DMD: variants seen among roughly 807,000 people sequenced by gnomAD.
DMD encodes mutant dystrophin.
A neutral mutation model predicts 330.1 loss-of-function variants in DMD; 63 were observed. The observed-to-expected ratio is 0.19, with a 90% CI of 0.16 to 0.24. The LOEUF is 0.24. Among genes scored for constraint, DMD ranks in the 10% least tolerant of loss-of-function variants. The probability of loss-of-function intolerance (pLI) is 1.00; values close to 1 mark genes in which losing one functional copy is unlikely to be tolerated. For synonymous variants in DMD, 1,223 were observed against 959.8 expected (o/e 1.27, Z -5.07); for missense variants, 3,344 against 2,684.1 (o/e 1.25, Z -5.43).
intron 3 of DMD, among the ~76,000 whole-genome samples, 190 bp from the exon 4 acceptor site, chrX:32,845,050 A>G (rs1340286007): frequency 8.9e-6 from 1 of 112,194 alleles, no homozygotes; most frequent in Non-Finnish European, 1.9e-5. Context: ...AGCATAAACC[A>G]ACCACTCTAA....
chrX:31,716,999 G>C (rs1457259463), intron 52 of DMD, among the ~76,000 whole-genome samples: 1 of 110,648 alleles, frequency 9.0e-6, no homozygotes, highest in Non-Finnish European at 1.9e-5. Context: ...TCCTGGTTCC[G>C]CTATCTGTGT....
At chrX:32,393,762 A>G (rs1489231688) in intron 30 of DMD, among the ~76,000 whole-genome samples, 1 of 111,541 alleles carries the variant, frequency 9.0e-6, no homozygotes, top group Non-Finnish European at 1.9e-5. Flanking sequence ...AAGAACAGTC[A>G]AAGAGAAAGA....
At chrX:32,774,237 C>T (rs1441542749) in intron 7 of DMD, among the ~76,000 whole-genome samples, 1 of 111,644 alleles carries the variant, frequency 9.0e-6, no homozygotes, top group Non-Finnish European at 1.9e-5. Flanking sequence ...CAACATTTAC[C>T]AAGTACCCCT....
intron 7 of DMD, among the ~76,000 whole-genome samples, chrX:32,736,050 G>A (rs2068427601): frequency 9.0e-6 from 1 of 111,513 alleles, no homozygotes; most frequent in Non-Finnish European, 1.9e-5. Flanking sequence ...AATCTACAAT[G>A]AACTCAAACA....
At chrX:31,169,911 A>G (rs376327562) in intron 73 of DMD, among the ~76,000 whole-genome samples, 1 of 112,245 alleles carries the variant, frequency 8.9e-6, no homozygotes, top group East Asian at 2.8e-4. Context: ...TAGCTAAAAA[A>G]TATTAAAAGA....
intron 7 of DMD, among the ~76,000 whole-genome samples, chrX:32,752,519 G>A (rs918671792): frequency 9.4e-6 from 1 of 106,516 alleles, no homozygotes; most frequent in South Asian, 4.4e-4. Context: ...GATTTTATAG[G>A]CTCACAGGCA....
chrX:32,399,598 A>G (rs1603632545), intron 30 of DMD, among the ~76,000 whole-genome samples: 1 of 111,302 alleles, frequency 9.0e-6, no homozygotes, highest in African/African-American at 3.3e-5. Context: ...TGGCGAGGAT[A>G]TGGAGAAAAG....
At chrX:32,808,728 C>A (rs1014701314) in intron 7 of DMD, among the ~76,000 whole-genome samples, 1 of 111,916 alleles carries the variant, frequency 8.9e-6, no homozygotes, top group East Asian at 2.8e-4. Flanking sequence ...TTCAATCCCA[C>A]CGATTTCACT....
At chrX:31,409,266 G>A (rs1454702869) in intron 60 of DMD, among the ~76,000 whole-genome samples, 1 of 112,329 alleles carries the variant, frequency 8.9e-6, no homozygotes, top group Non-Finnish European at 1.9e-5. Flanking sequence ...TCTAATGTCT[G>A]CTCCAAAATG....
At chrX:33,282,396 C>T (rs757314477) in intron 1 of DMD, among the ~76,000 whole-genome samples, 4 of 111,082 alleles carry the variant, frequency 3.6e-5, no homozygotes, top group Non-Finnish European at 7.6e-5. Flanking sequence ...CTGTGGCTGC[C>T]CCAGTATCTC....
At chrX:31,872,086 C>T (rs1422548411) in intron 48 of DMD, among the ~76,000 whole-genome samples, 1 of 105,971 alleles carries the variant, frequency 9.4e-6, no homozygotes, top group Non-Finnish European at 1.9e-5. Flanking sequence ...TTATGTTTCC[C>T]CTCCCCCCAC....
At chrX:32,169,488 G>A (rs1055384840) in intron 44 of DMD, among the ~76,000 whole-genome samples, 9 of 111,426 alleles carry the variant, frequency 8.1e-5, no homozygotes, top group Admixed American at 4.8e-4. Flanking sequence ...TTTATTTATC[G>A]CCCAATTCAC....
intron 30 of DMD, among the ~76,000 whole-genome samples, chrX:32,409,324 C>T (rs979100816): frequency 9.0e-6 from 1 of 111,676 alleles, no homozygotes; most frequent in African/African-American, 3.2e-5. Context: ...TGCCCAAAAT[C>T]TCTTTCTTGA....
intron 44 of DMD, among the ~76,000 whole-genome samples, chrX:32,020,612 T>C (rs1603620627): frequency 8.9e-6 from 1 of 111,923 alleles, no homozygotes; most frequent in East Asian, 2.8e-4. Flanking sequence ...AAGGCGGCTA[T>C]CTGCAAGCCA....
At chrX:33,046,940 AAT>A (rs1245601559) in intron 1 of DMD, among the ~76,000 whole-genome samples, 3 of 112,184 alleles carry the variant, frequency 2.7e-5, no homozygotes, top group African/African-American at 9.7e-5. Context: ...ATGGAGAGAG[AAT>A]ATAGTTTGTC....
chrX:32,102,720 A>G (rs2096546010), intron 44 of DMD, among the ~76,000 whole-genome samples: 1 of 111,535 alleles, frequency 9.0e-6, no homozygotes, highest in Non-Finnish European at 1.9e-5. Flanking sequence ...AAAACACTCA[A>G]TTGGCAATGG....
chrX:31,228,760 G>A (rs2046922740), intron 63 of DMD, among the ~76,000 whole-genome samples: 3 of 112,107 alleles, frequency 2.7e-5, no homozygotes, highest in African/African-American at 9.7e-5. Context: ...AACTCAAGAG[G>A]AGTGAGACTA....
intron 47 of DMD, among the ~76,000 whole-genome samples, chrX:31,876,727 A>C (rs762759458): frequency 9.1e-6 from 1 of 110,291 alleles, no homozygotes; most frequent in South Asian, 3.8e-4. Context: ...AAACAAAACA[A>C]AACAAAAAAA....
intron 7 of DMD, among the ~76,000 whole-genome samples, chrX:32,718,212 G>C (rs1332311989): frequency 9.0e-6 from 1 of 111,548 alleles, no homozygotes; most frequent in African/African-American, 3.3e-5. Context: ...ATCTCATGTT[G>C]TATTGTGATC....
Sources: allele counts gnomAD v4.1 joint callset (sites outside exome capture counted in the v4.1 genomes callset), GRCh38; gene constraint gnomAD v4.1.1; transcripts MANE v1.5; gene names NCBI Gene and HGNC (gene_info 2026-07-23, HGNC 2026-07-21).